Variants in HS6ST2 observed in about 807,000 individuals in gnomAD.
HS6ST2 encodes the protein heparan sulfate 6-O-sulfotransferase 2.
A neutral mutation model predicts 33.0 loss-of-function variants in HS6ST2; 17 were observed. The observed-to-expected ratio is 0.52, with a 90% CI of 0.35 to 0.77. The LOEUF is 0.77. Among genes scored for constraint, HS6ST2 ranks in the 30% least tolerant of loss-of-function variants. HS6ST2 has a pLI of 0.01. For synonymous variants in HS6ST2, 248 were observed against 237.1 expected, an observed-to-expected ratio of 1.05 and a Z score of -0.42; for missense variants, 519 against 551.7, an observed-to-expected ratio of 0.94 and a Z score of 0.59.
chrX:132,887,497 C>G (rs1378090149), intron 2 of HS6ST2, among the ~76,000 whole-genome samples: 1 of 112,170 alleles, frequency 8.9e-6, no homozygotes. Flanking sequence ...AAGATAGACA[C>G]TAACAAGTAT....
chrX:132,635,632 A>G (rs1342375968), intron 4 of HS6ST2, among the ~76,000 whole-genome samples: 2 of 110,871 alleles, frequency 1.8e-5, no homozygotes, highest in African/African-American at 3.3e-5. Context: ...CCACTTGGCA[A>G]TATCTGGGGA....
intron 2 of HS6ST2, among the ~76,000 whole-genome samples, chrX:132,860,266 G>A (rs955270250): frequency 4.5e-5 from 5 of 111,795 alleles, no homozygotes; most frequent in African/African-American, 1.6e-4. Context: ...TTGGTTTTAT[G>A]GTGCCTCAGA....
chrX:132,954,121 G>A (rs2067043211), intron 2 of HS6ST2, among the ~76,000 whole-genome samples: 1 of 112,322 alleles, frequency 8.9e-6, no homozygotes, highest in Non-Finnish European at 1.9e-5. Context: ...CAGGTTTACA[G>A]AGGAATACCA....
intron 4 of HS6ST2, among the ~76,000 whole-genome samples, chrX:132,655,446 G>C (rs1052398285): frequency 2.7e-5 from 3 of 111,962 alleles, no homozygotes; most frequent in Non-Finnish European, 3.8e-5. Flanking sequence ...CAGAGAGGAA[G>C]GTCCAGTTAT....
intron 2 of HS6ST2, among the ~76,000 whole-genome samples, chrX:132,770,381 A>G (rs767181885): frequency 8.1e-5 from 9 of 111,729 alleles, no homozygotes; most frequent in Non-Finnish European, 1.5e-4. Context: ...TGTTTAGTTC[A>G]TCCATGCATC....
intron 2 of HS6ST2, among the ~76,000 whole-genome samples, chrX:132,897,813 C>T (rs1239441998): frequency 9.0e-6 from 1 of 111,389 alleles, no homozygotes; most frequent in Non-Finnish European, 1.9e-5. Flanking sequence ...GGACCTAGGG[C>T]GAATGGAGTC....
intron 2 of HS6ST2, among the ~76,000 whole-genome samples, chrX:132,751,155 CTG>C (rs1319581562): frequency 3.6e-5 from 4 of 110,647 alleles, no homozygotes; most frequent in Non-Finnish European, 5.7e-5. Context: ...AGCCCAACCT[CTG>C]GGTACACAAA....
chrX:132,882,807 C>T (rs2066193333), intron 2 of HS6ST2, among the ~76,000 whole-genome samples: 1 of 111,073 alleles, frequency 9.0e-6, no homozygotes, highest in Non-Finnish European at 1.9e-5. Context: ...CCCATCAATA[C>T]CTAATTTATT....
intron 3 of HS6ST2, among the ~76,000 whole-genome samples, chrX:132,677,529 T>C (rs186040028): frequency 3.6e-4 from 40 of 112,446 alleles, no homozygotes; most frequent in African/African-American, 1.2e-3. Flanking sequence ...CTGAAAACCA[T>C]ACCTGGTAAA....
At chrX:132,829,199 T>TATATATATATATACAC (rs55664940) in intron 2 of HS6ST2, among the ~76,000 whole-genome samples, 1,544 of 73,158 alleles carry the variant, frequency 0.021, 87 homozygotes, top group African/African-American at 0.06. Context: ...TATATATATA[T>TATATATATATATACAC]ACATACTTAT....
At chrX:132,844,951 A>T (rs2065738315) in intron 2 of HS6ST2, among the ~76,000 whole-genome samples, 1 of 109,217 alleles carries the variant, frequency 9.2e-6, no homozygotes. Context: ...TCACTGGAAA[A>T]CTGGAGTTTT....
chrX:132,769,729 C>T (rs1051329285), intron 2 of HS6ST2, among the ~76,000 whole-genome samples: 1 of 112,371 alleles, frequency 8.9e-6, no homozygotes, highest in Non-Finnish European at 1.9e-5. Context: ...ACTCCAGGTG[C>T]CTCAAATGAG....
chrX:132,930,808 T>C (rs2066760882), intron 2 of HS6ST2, among the ~76,000 whole-genome samples: 1 of 111,211 alleles, frequency 9.0e-6, no homozygotes, highest in Admixed American at 9.5e-5. Context: ...ACAAATGCTG[T>C]GAAAATTAAA....
chrX:132,943,730 G>A (rs1465907881), intron 2 of HS6ST2, among the ~76,000 whole-genome samples: 1 of 111,193 alleles, frequency 9.0e-6, no homozygotes, highest in Non-Finnish European at 1.9e-5. Flanking sequence ...ATGTAATCCA[G>A]CATATAAACA....
At position 132,637,837 on chromosome X, in the gene HS6ST2, AT is replaced by A. The variant is rs1276533326; in HGVS notation, c.1068-8745del. On this transcript the variant is annotated intron_variant, in intron 4 of 4. Coordinates refer to ENST00000370833, the MANE Select transcript of HS6ST2 (RefSeq NM_001394073.1). The stretch of plus-strand genomic sequence containing the variant: ...TTTTATATATATAATATTATATATA[AT>A]ATTTTATATATAATATATATATAAT... Among the ~76,000 whole-genome samples the A allele has an allele frequency of 5.9e-3, 255 of 43,030 alleles. 8 individuals carry two copies. The African/African-American group carries it at 0.098, about 17-fold the overall frequency. 37.4% of individuals were successfully genotyped at this position (43,030 alleles called of 115,157 possible). A position where few individuals can be genotyped will look rare whatever the true frequency, so the allele number is the denominator to read the frequency against.
intron 2 of HS6ST2, among the ~76,000 whole-genome samples, chrX:132,751,459 C>G (rs1198045508): frequency 8.9e-6 from 1 of 112,182 alleles, no homozygotes; most frequent in African/African-American, 3.2e-5. Context: ...ATTCTCAGGG[C>G]TGCTCCTAGC....
chrX:132,876,573 G>A (rs1199354219), intron 2 of HS6ST2, among the ~76,000 whole-genome samples: 1 of 111,517 alleles, frequency 9.0e-6, no homozygotes, highest in Non-Finnish European at 1.9e-5. Flanking sequence ...GAGAGGTTCT[G>A]GGAAGTATGT....
At chrX:132,806,708 C>T (rs2065287123) in intron 2 of HS6ST2, among the ~76,000 whole-genome samples, 1 of 109,354 alleles carries the variant, frequency 9.1e-6, no homozygotes, top group Non-Finnish European at 1.9e-5. Flanking sequence ...TTCCCTATGC[C>T]ACGAAACGGC....
chrX:132,697,750 C>G (rs1432202179), intron 3 of HS6ST2, among the ~76,000 whole-genome samples: 1 of 111,763 alleles, frequency 8.9e-6, no homozygotes, highest in Non-Finnish European at 1.9e-5. Context: ...TATTCTACCA[C>G]AACGGTTAGT....
Sources: gnomAD v4.1 joint callset for allele counts (sites outside exome capture counted in the v4.1 genomes callset) on GRCh38, gnomAD v4.1.1 for gene constraint, MANE v1.5 for transcripts, NCBI Gene and HGNC (gene_info 2026-07-23, HGNC 2026-07-21) for gene names.